Variants in HPSE2 observed in about 807,000 individuals in gnomAD.
The protein encoded by HPSE2 is heparanase 2 (inactive).
HPSE2 carries 38 observed loss-of-function variants against 60.5 expected under a neutral mutation model. The observed-to-expected ratio is 0.63, with a 90% CI of 0.48 to 0.82. The LOEUF (loss-of-function observed/expected upper bound fraction) is 0.82. Among genes scored for constraint, HPSE2 ranks in the 40% least tolerant of loss-of-function variants. The probability of loss-of-function intolerance (pLI) is 0.00; values close to 1 mark genes in which losing one functional copy is unlikely to be tolerated. For synonymous variants in HPSE2, 295 were observed against 293.2 expected, an observed-to-expected ratio of 1.01 and a Z score of -0.06; for missense variants, 713 against 740.4, an observed-to-expected ratio of 0.96 and a Z score of 0.43.
At chr10:98,630,183 GTTTT>G (rs34748475) in intron 7 of HPSE2, among the ~76,000 whole-genome samples, 1 of 129,928 alleles carries the variant, frequency 7.7e-6, no homozygotes. Context: ...CGAAGCAATC[GTTTT>G]TTTTTTTGTT....
rs573069189 is a variant in HPSE2, at chr10:99,105,639, A to C, written c.610+38599T>G. 1.7e-4 allele frequency among the ~76,000 whole-genome samples: 26 copies of C among 151,736 alleles called. No homozygotes were observed. The South Asian group carries it at 5.2e-3, about 31-fold the overall frequency. ...AAAGTTTTTAATTTTAATGAGGTTAAATTTATCATTTTTCTCATGGCCCTA... is the reference window on the plus strand; with the variant it reads ...AAAGTTTTTAATTTTAATGAGGTTACATTTATCATTTTTCTCATGGCCCTA... On this transcript the variant is annotated intron_variant, in intron 3 of 11. Transcript: ENST00000370552.
chr10:98,501,189 T>C (rs1284503748), intron 9 of HPSE2, among the ~76,000 whole-genome samples: 2 of 152,068 alleles, frequency 1.3e-5, no homozygotes, highest in East Asian at 3.9e-4. Context: ...CCCTAATTCA[T>C]TCTATGAAGC....
chr10:99,120,792 A>G (rs1179173169), intron 3 of HPSE2, among the ~76,000 whole-genome samples: 1 of 152,176 alleles, frequency 6.6e-6, no homozygotes, highest in Non-Finnish European at 1.5e-5. Context: ...ACTTTTATTA[A>G]AAAGTCAAAA....
At chr10:98,851,815 C>A (rs572130277) in intron 3 of HPSE2, among the ~76,000 whole-genome samples, 6 of 152,126 alleles carry the variant, frequency 3.9e-5, no homozygotes, top group Non-Finnish European at 7.3e-5. Flanking sequence ...GAATTCTTTA[C>A]ACTACAACTA....
the HPSE2 span, among the ~76,000 whole-genome samples, chr10:99,283,644 T>C: frequency 1.3e-5 from 2 of 151,992 alleles, no homozygotes; most frequent in Non-Finnish European, 2.9e-5. Flanking sequence ...AGACCCAAAT[T>C]ACTCAAATCA....
chr10:99,079,000 T>C (rs1843039688), intron 3 of HPSE2, among the ~76,000 whole-genome samples: 1 of 152,114 alleles, frequency 6.6e-6, no homozygotes, highest in Admixed American at 6.5e-5. Context: ...CTGGAAAAGT[T>C]GGATCTTTGG....
chr10:99,287,021 C>A, the HPSE2 span, among the ~76,000 whole-genome samples: 1 of 152,094 alleles, frequency 6.6e-6, no homozygotes, highest in African/African-American at 2.4e-5. Context: ...CGCTAAATAC[C>A]TCTCACAAAC....
At chr10:99,069,856 A>C (rs540673896) in intron 3 of HPSE2, among the ~76,000 whole-genome samples, 12 of 152,238 alleles carry the variant, frequency 7.9e-5, no homozygotes, top group Admixed American at 7.9e-4. Flanking sequence ...TAACATGAAA[A>C]AAAACTATAC....
chr10:98,974,297 A>G (rs1190403376), intron 3 of HPSE2, among the ~76,000 whole-genome samples: 1 of 150,590 alleles, frequency 6.6e-6, no homozygotes, highest in Non-Finnish European at 1.5e-5. Flanking sequence ...AAAAAAAAAG[A>G]AAGAAAAGAA....
At chr10:98,520,111 G>A (rs1184293224) in intron 9 of HPSE2, among the ~76,000 whole-genome samples, 1 of 152,166 alleles carries the variant, frequency 6.6e-6, no homozygotes, top group African/African-American at 2.4e-5. Flanking sequence ...AATCTGAAAT[G>A]GCTACAATGT....
chr10:99,022,831 T>A (rs1052846336), intron 3 of HPSE2, among the ~76,000 whole-genome samples: 1 of 152,052 alleles, frequency 6.6e-6, no homozygotes, highest in Non-Finnish European at 1.5e-5. Context: ...GGGCCCTGAA[T>A]AACTAGCAGC....
At chr10:98,663,073 A>AT (rs1302855570) in intron 6 of HPSE2, among the ~76,000 whole-genome samples, 1 of 152,200 alleles carries the variant, frequency 6.6e-6, no homozygotes, top group African/African-American at 2.4e-5. Flanking sequence ...ATGAACACAC[A>AT]TAAGGGCAGG....
intron 4 of HPSE2, among the ~76,000 whole-genome samples, chr10:98,730,885 A>G (rs1229788161): frequency 6.6e-6 from 1 of 152,194 alleles, no homozygotes; most frequent in Non-Finnish European, 1.5e-5. Context: ...TAAATATTTA[A>G]ATAAGAAACA....
intron 11 of HPSE2, among the ~76,000 whole-genome samples, chr10:98,468,901 A>G (rs975860376): frequency 2.0e-5 from 3 of 152,110 alleles, no homozygotes; most frequent in African/African-American, 7.2e-5. Flanking sequence ...TGAGGCTGAG[A>G]AGTTTATTTG....
Position 99,136,689 on chromosome 10 carries a change from AC to A in HPSE2, c.610+7548del, listed in dbSNP as rs568519059. Among the ~76,000 whole-genome samples the A allele has an allele frequency of 1.9e-3, 296 of 152,174 alleles. 2 individuals carry two copies. The highest frequency in any genetic ancestry group is 6.8e-3 in the African/African-American group (281 of 41,520). ...GAAAAGGCCTTTGACAAAATTCAAC[AC>A]CCCTTCATGCTAAAATCTCTCAATA... On this transcript the variant is annotated intron_variant, in intron 3 of 11. Coordinates refer to ENST00000370552, the MANE Select transcript of HPSE2 (RefSeq NM_021828.5).
rs183747355 is a variant in HPSE2 at position 99,170,847 on chromosome 10, C to A, written c.449-26448G>T. 4.6e-5 allele frequency among the ~76,000 whole-genome samples: 7 copies of A among 152,248 alleles called. No homozygotes were observed. In the East Asian group the frequency reaches 1.4e-3, roughly 29 times the overall value. On this transcript the variant is annotated intron_variant, in intron 2 of 11. Coordinates refer to ENST00000370552, the MANE Select transcript of HPSE2 (RefSeq NM_021828.5). ...TCTGTTGATTCAACCAACCACTGATCGAAAACATTTTTTAATTGTGTCTAT... is the reference window on the plus strand; with the variant it reads ...TCTGTTGATTCAACCAACCACTGATAGAAAACATTTTTTAATTGTGTCTAT...
intron 3 of HPSE2, among the ~76,000 whole-genome samples, chr10:98,887,945 A>G (rs1210391742): frequency 1.4e-5 from 2 of 139,120 alleles, no homozygotes; most frequent in Non-Finnish European, 3.1e-5. Context: ...AAAATAAAAA[A>G]TTAAAAATTA....
chr10:98,639,265 A>G (rs1181951228), intron 7 of HPSE2, among the ~76,000 whole-genome samples: 2 of 152,164 alleles, frequency 1.3e-5, no homozygotes, highest in Non-Finnish European at 2.9e-5. Context: ...GAGACAAACC[A>G]TTCCCTCTGT....
At chr10:99,062,531 TA>T (rs1356425840) in intron 3 of HPSE2, among the ~76,000 whole-genome samples, 2 of 152,162 alleles carry the variant, frequency 1.3e-5, no homozygotes, top group South Asian at 2.1e-4. Context: ...CATTTTTCTC[TA>T]CTTGCCATCT....
Sources: allele counts gnomAD v4.1 joint callset (sites outside exome capture counted in the v4.1 genomes callset), GRCh38; gene constraint gnomAD v4.1.1; transcripts MANE v1.5; gene names NCBI Gene and HGNC (gene_info 2026-07-23, HGNC 2026-07-21).